FUNDC2: variants seen among roughly 807,000 people sequenced by gnomAD.
The protein encoded by FUNDC2 is FUN14 domain containing 2.
In FUNDC2, 4 loss-of-function variants were observed where a neutral mutation model predicts 15.6. That is an observed-to-expected ratio of 0.26 (90% CI 0.13 to 0.59). The LOEUF (loss-of-function observed/expected upper bound fraction) is 0.59, where lower values mean the gene tolerates loss of function less well. Among genes scored for constraint, FUNDC2 ranks in the 20% least tolerant of loss-of-function variants. FUNDC2 has a pLI of 0.90. For synonymous variants in FUNDC2, 44 were observed against 56.9 expected (o/e 0.77, Z 1.02); for missense variants, 98 against 149.7 (o/e 0.65, Z 1.80).
intron 1 of FUNDC2, among the ~76,000 whole-genome samples, chrX:155,031,166 A>G (rs1197882168): frequency 9.0e-6 from 1 of 111,293 alleles, no homozygotes; most frequent in Middle Eastern, 4.2e-3. Context: ...GTCGGCCTGA[A>G]TAACTTTTGT....
At chrX:155,036,013 C>T (rs2073829722) in intron 2 of FUNDC2, among the ~76,000 whole-genome samples, 1 of 111,637 alleles carries the variant, frequency 9.0e-6, no homozygotes, top group African/African-American at 3.3e-5. Flanking sequence ...CATATGCTTT[C>T]ATTTCTTTTG....
chrX:155,043,494 T>C (rs180719018), intron 2 of FUNDC2, among the ~76,000 whole-genome samples: 30 of 112,371 alleles, frequency 2.7e-4, no homozygotes, highest in Admixed American at 1.5e-3. Context: ...GTGCTAGATA[T>C]TTTTTATTCT....
chrX:155,032,280 CTTT>C (rs200923469), intron 1 of FUNDC2, among the ~76,000 whole-genome samples: 2 of 62,744 alleles, frequency 3.2e-5, no homozygotes, highest in South Asian at 8.0e-4. Flanking sequence ...CTGGTGCCTT[CTTT>C]TTTTTTTTTT....
chrX:155,037,064 C>A (rs1569560179), intron 2 of FUNDC2, among the ~76,000 whole-genome samples: 1 of 111,429 alleles, frequency 9.0e-6, no homozygotes. Context: ...GTGTATCTCT[C>A]CAATTTGTTT....
chrX:155,035,135 T>C (rs2073827083), intron 2 of FUNDC2, among the ~76,000 whole-genome samples: 1 of 111,785 alleles, frequency 8.9e-6, no homozygotes, highest in Admixed American at 9.5e-5. Context: ...GCCTACCCCA[T>C]GTTTCAGAAC....
Position 155,055,245 on chromosome X carries a change from A to G in FUNDC2, c.*573A>G, listed in dbSNP as rs781801337. The G allele has an allele frequency of 3.4e-6, 1 of 296,222 alleles. No individual in the cohort carries two copies. The highest frequency in any genetic ancestry group is 2.7e-5 in the African/African-American group (1 of 36,422). The allele number at this position is 296,222 out of a possible 1,213,427, so 24.4% of individuals were successfully genotyped here. A position where few individuals can be genotyped will look rare whatever the true frequency, so the allele number is the denominator to read the frequency against. On this transcript the variant is annotated 3_prime_UTR_variant, in exon 5 of 5. Transcript: ENST00000369498. ...TTGAAAAATCTGATATTGTCCAGGA[A>G]TGCTTTCTACCGTACAGGATAATGT...
chrX:155,032,535 C>T (rs2073819152), intron 1 of FUNDC2, among the ~76,000 whole-genome samples: 1 of 110,467 alleles, frequency 9.1e-6, no homozygotes, highest in South Asian at 3.8e-4. Flanking sequence ...CTCCGGCCTC[C>T]CAAAGTGCTG....
At chrX:155,049,305 A>T (rs1160436741) in intron 3 of FUNDC2, 1 of 112,918 alleles carries the variant, frequency 8.9e-6, no homozygotes, top group African/African-American at 3.2e-5. Context: ...GAGAGCAGGA[A>T]GTCACCTCGC....
At chrX:155,043,473 T>C in intron 2 of FUNDC2, among the ~76,000 whole-genome samples, 1 of 112,425 alleles carries the variant, frequency 8.9e-6, no homozygotes, top group Middle Eastern at 4.6e-3. Context: ...TTATGAATTT[T>C]ACTTCATTGG....
intron 2 of FUNDC2, among the ~76,000 whole-genome samples, chrX:155,038,241 CAA>C (rs1486079756): frequency 9.1e-6 from 1 of 110,426 alleles, no homozygotes; most frequent in Non-Finnish European, 1.9e-5. Context: ...AAAAAGGAAA[CAA>C]AACAGCAACA....
intron 1 of FUNDC2, among the ~76,000 whole-genome samples, chrX:155,032,653 A>T (rs797037196): frequency 9.0e-6 from 1 of 111,387 alleles, no homozygotes; most frequent in African/African-American, 3.3e-5. Flanking sequence ...GTACATGATT[A>T]ATGTTTAGCA....
At position 155,057,037 on chromosome X, in the gene FUNDC2, C is replaced by G. The variant is rs1453661496; in HGVS notation, c.*2365C>G. On this transcript the variant is annotated 3_prime_UTR_variant, in exon 5 of 5. Transcript: ENST00000369498. ...TGAGGTCAGTATTGCAGGTTGGCCTCATCCTGCTAGTATGAGAACGGCTGT... is the reference window on the plus strand; with the variant it reads ...TGAGGTCAGTATTGCAGGTTGGCCTGATCCTGCTAGTATGAGAACGGCTGT... 2.1e-5 allele frequency: 2 copies of G among 95,562 alleles called. No homozygotes were observed. Among genetic ancestry groups the G allele is most frequent in the Non-Finnish European group, 4.5e-5 (2 of 44,724 alleles). 7.9% of individuals were successfully genotyped at this position (95,562 alleles called of 1,213,427 possible). A position where few individuals can be genotyped will look rare whatever the true frequency, so the allele number is the denominator to read the frequency against.
chrX:155,027,294 C>T (rs1557288360), intron 1 of FUNDC2: 1 of 272,768 alleles, frequency 3.7e-6, no homozygotes, highest in Non-Finnish European at 6.4e-6. Context: ...GGTGTCGTCT[C>T]CAGTGGAGCT....
chrX:155,057,351 T>G lies in FUNDC2; in HGVS notation c.*2679T>G, dbSNP rs1189187957. On this transcript the variant is annotated 3_prime_UTR_variant, in exon 5 of 5. Coordinates refer to ENST00000369498, the MANE Select transcript of FUNDC2 (RefSeq NM_023934.4). ...GCAGCTCCACCTTTCAGTGCACTAC[T>G]TTCATTTGACTGGAGAGGCCTGCTT... 2 of 111,836 alleles carry G rather than the reference T, an allele frequency of 1.8e-5. No homozygotes were observed. The highest frequency in any genetic ancestry group is 6.5e-5 in the African/African-American group (2 of 30,744). 9.2% of individuals were successfully genotyped at this position (111,836 alleles called of 1,213,427 possible).
At chrX:155,030,397 T>C (rs916947262) in intron 1 of FUNDC2, among the ~76,000 whole-genome samples, 8 of 100,983 alleles carry the variant, frequency 7.9e-5, no homozygotes, top group Non-Finnish European at 1.4e-4. Context: ...AAAAAATCAG[T>C]TGGTCATAGT....
intron 2 of FUNDC2, among the ~76,000 whole-genome samples, chrX:155,034,450 T>C (rs2073825091): frequency 8.9e-6 from 1 of 112,305 alleles, no homozygotes; most frequent in Non-Finnish European, 1.9e-5. Flanking sequence ...TGGAGTTGTT[T>C]CCATTTTTGG....
intron 2 of FUNDC2, among the ~76,000 whole-genome samples, chrX:155,036,435 A>C (rs1347387462): frequency 8.9e-6 from 1 of 111,970 alleles, no homozygotes; most frequent in African/African-American, 3.2e-5. Flanking sequence ...TGATTTGCAA[A>C]TATATTACTT....
chrX:155,034,229 A>G (rs974602682), intron 2 of FUNDC2, among the ~76,000 whole-genome samples: 50 of 112,807 alleles, frequency 4.4e-4, no homozygotes, highest in Non-Finnish European at 6.8e-4. Context: ...AACACCAGTT[A>G]TGTCACTAAA....
At chrX:155,045,515 A>T (rs1422413069) in intron 2 of FUNDC2, among the ~76,000 whole-genome samples, 9 of 112,408 alleles carry the variant, frequency 8.0e-5, no homozygotes, top group Non-Finnish European at 1.7e-4. Context: ...AGAGTAATCA[A>T]CTGTGTCAAA....
Sources: allele counts gnomAD v4.1 joint callset (sites outside exome capture counted in the v4.1 genomes callset), GRCh38; gene constraint gnomAD v4.1.1; transcripts MANE v1.5; gene names NCBI Gene and HGNC (gene_info 2026-07-23, HGNC 2026-07-21).